The following EPB41L4A variants were observed in gnomAD, a reference collection of about 807,000 sequenced individuals.
EPB41L4A encodes erythrocyte membrane protein band 4.1 like 4A.
Under a neutral mutation model 108.6 loss-of-function variants are expected in EPB41L4A, and 100 were observed. The observed-to-expected ratio is 0.92, with a 90% CI of 0.78 to 1.09. EPB41L4A has a LOEUF of 1.09. Ranked by LOEUF, EPB41L4A falls within the 50% of genes least tolerant of loss-of-function variation. The probability of loss-of-function intolerance (pLI) is 0.00; values close to 1 mark genes in which losing one functional copy is unlikely to be tolerated. For synonymous variants in EPB41L4A, 319 were observed against 289.0 expected, an observed-to-expected ratio of 1.10 and a Z score of -1.05; for missense variants, 1,030 against 842.7, an observed-to-expected ratio of 1.22 and a Z score of -2.75.
chr5:112,315,597 T>C (rs1755379393), intron 1 of EPB41L4A, among the ~76,000 whole-genome samples: 1 of 152,208 alleles, frequency 6.6e-6, no homozygotes, highest in South Asian at 2.1e-4. Context: ...ACTTTTAACT[T>C]TAAAATACAC....
intron 1 of EPB41L4A, among the ~76,000 whole-genome samples, chr5:112,324,079 A>G (rs1755985465): frequency 6.6e-6 from 1 of 152,218 alleles, no homozygotes; most frequent in Non-Finnish European, 1.5e-5. Context: ...CAGAGTTCTA[A>G]AGATATGAAA....
chr5:112,415,725 T>C (rs921020889), intron 1 of EPB41L4A, among the ~76,000 whole-genome samples: 3 of 152,144 alleles, frequency 2.0e-5, no homozygotes, highest in African/African-American at 7.2e-5. Flanking sequence ...CCAAATATCC[T>C]TACTTGAATA....
chr5:112,403,814 G>A (rs565795191), intron 1 of EPB41L4A, among the ~76,000 whole-genome samples: 48 of 152,280 alleles, frequency 3.2e-4, no homozygotes, highest in Admixed American at 1.2e-3. Context: ...ACAAGGCTAA[G>A]TAAATTAAAT....
At chr5:112,307,129 G>A (rs1754739615) in intron 2 of EPB41L4A, among the ~76,000 whole-genome samples, 1 of 152,064 alleles carries the variant, frequency 6.6e-6, no homozygotes, top group South Asian at 2.1e-4. Context: ...ACTATGATAA[G>A]GTTGCAAATC....
intron 1 of EPB41L4A, among the ~76,000 whole-genome samples, chr5:112,332,326 T>A (rs1444066184): frequency 2.0e-5 from 3 of 152,238 alleles, no homozygotes; most frequent in Admixed American, 2.0e-4. Flanking sequence ...GTAGTACTAT[T>A]TGCATTATTT....
intron 3 of EPB41L4A, among the ~76,000 whole-genome samples, chr5:112,278,900 CAA>C (rs763389771): frequency 2.0e-4 from 24 of 117,534 alleles, no homozygotes; most frequent in Non-Finnish European, 1.9e-4. Context: ...ACTAAAAATA[CAA>C]AAAAAAAAAA....
intron 20 of EPB41L4A, chr5:112,170,028 G>A (rs1259920114): frequency 2.6e-6 from 1 of 377,522 alleles, no homozygotes; most frequent in Non-Finnish European, 4.7e-6. Context: ...GAGAATCTCA[G>A]AAAAGAATTT....
intron 2 of EPB41L4A, among the ~76,000 whole-genome samples, chr5:112,292,550 T>A (rs930341390): frequency 1.6e-4 from 24 of 152,074 alleles, no homozygotes; most frequent in African/African-American, 5.8e-4. Context: ...TCCAAGAACA[T>A]CTCTCTTATT....
chr5:112,413,671 G>A (rs1047646335), intron 1 of EPB41L4A, among the ~76,000 whole-genome samples: 3 of 152,190 alleles, frequency 2.0e-5, no homozygotes, highest in African/African-American at 7.2e-5. Context: ...AGAAGTGAAG[G>A]CTGCCTAGCA....
intron 4 of EPB41L4A, among the ~76,000 whole-genome samples, chr5:112,267,840 A>G (rs1751970538): frequency 6.6e-6 from 1 of 152,118 alleles, no homozygotes; most frequent in African/African-American, 2.4e-5. Context: ...ATAAAGTTCA[A>G]GCTCCTTAAG....
chr5:112,401,576 A>C (rs376509220), intron 1 of EPB41L4A, among the ~76,000 whole-genome samples: 2 of 152,138 alleles, frequency 1.3e-5, no homozygotes, highest in Non-Finnish European at 2.9e-5. Flanking sequence ...CAAATGTCTT[A>C]ATTTAAGAAG....
At chr5:112,214,224 G>A (rs1747443200) in intron 12 of EPB41L4A, among the ~76,000 whole-genome samples, 3 of 152,096 alleles carry the variant, frequency 2.0e-5, no homozygotes, top group Admixed American at 2.0e-4. Flanking sequence ...CATGTATTAT[G>A]TACCACAGAA....
chr5:112,338,002 T>G (rs1757036544), intron 1 of EPB41L4A, among the ~76,000 whole-genome samples: 1 of 152,068 alleles, frequency 6.6e-6, no homozygotes. Flanking sequence ...ATCTCCTAAA[T>G]CGCTCGCCTT....
At chr5:112,366,947 G>A (rs1759157199) in intron 1 of EPB41L4A, among the ~76,000 whole-genome samples, 1 of 152,144 alleles carries the variant, frequency 6.6e-6, no homozygotes, top group Non-Finnish European at 1.5e-5. Flanking sequence ...AGAAGACATG[G>A]AACAGAGCCA....
intron 18 of EPB41L4A, among the ~76,000 whole-genome samples, chr5:112,182,274 A>G (rs1327998937): frequency 6.6e-6 from 1 of 152,172 alleles, no homozygotes; most frequent in African/African-American, 2.4e-5. Flanking sequence ...AATTGCCTCA[A>G]TTTTAAAGGC....
chr5:112,219,884 T>C (rs1041450351), intron 12 of EPB41L4A, among the ~76,000 whole-genome samples: 2 of 152,028 alleles, frequency 1.3e-5, no homozygotes, highest in Admixed American at 6.6e-5. Context: ...TTAGTAGAGA[T>C]AGGGTTTCAC....
chr5:112,160,875 T>G (rs1759847260), downstream of EPB41L4A: 1 of 156,190 alleles, frequency 6.4e-6, no homozygotes, highest in Non-Finnish European at 1.5e-5. Flanking sequence ...CTTTCTTCCT[T>G]TTGGTGCGAG....
intron 1 of EPB41L4A, among the ~76,000 whole-genome samples, chr5:112,373,632 A>C (rs1759630362): frequency 6.6e-6 from 1 of 152,250 alleles, no homozygotes; most frequent in Admixed American, 6.5e-5. Context: ...ACTGAGATAC[A>C]AAGAAGTTAC....
At chr5:112,323,685 C>T (rs952242736) in intron 1 of EPB41L4A, among the ~76,000 whole-genome samples, 1 of 152,200 alleles carries the variant, frequency 6.6e-6, no homozygotes, top group African/African-American at 2.4e-5. Flanking sequence ...CATCTTTGCC[C>T]TCCTTCCTCT....
Sources: gnomAD v4.1 joint callset for allele counts (sites outside exome capture counted in the v4.1 genomes callset) on GRCh38, gnomAD v4.1.1 for gene constraint, MANE v1.5 for transcripts, NCBI Gene and HGNC (gene_info 2026-07-23, HGNC 2026-07-21) for gene names.